The following FKBP15 variants were observed in gnomAD, a reference collection of about 807,000 sequenced individuals.
The protein encoded by FKBP15 is FK506-binding protein 15.
Under a neutral mutation model 158.1 loss-of-function variants are expected in FKBP15, and 106 were observed. The observed-to-expected ratio is 0.67, with a 90% CI of 0.57 to 0.79. FKBP15 has a LOEUF of 0.79. Among genes scored for constraint, FKBP15 ranks in the 30% least tolerant of loss-of-function variants. The pLI, the probability that FKBP15 is intolerant of heterozygous loss-of-function variation, is 0.00. For synonymous variants in FKBP15, 547 were observed against 548.6 expected (o/e 1.00, Z 0.04); for missense variants, 1,287 against 1,479.1 (o/e 0.87, Z 2.13).
At position 113,163,825 on chromosome 9, in the gene FKBP15, A is replaced by G. The variant is rs368706181; in HGVS notation, c.*2253T>C. 1.3e-5 allele frequency: 2 copies of G among 152,622 alleles called. No individual in the cohort carries two copies. Among genetic ancestry groups the G allele is most frequent in the Non-Finnish European group, 2.9e-5 (2 of 68,036 alleles). The allele number at this position is 152,622 out of a possible 1,614,324, so 9.5% of individuals were successfully genotyped here. On this transcript the variant is annotated 3_prime_UTR_variant, in exon 28 of 28. Transcript: ENST00000238256. ...AAAAAGCTGCATCTAATAATGTTCA[A>G]TACTTAATATTCTCTATTTATTACT...
intron 19 of FKBP15, among the ~76,000 whole-genome samples, chr9:113,180,176 T>A (rs1213121933): frequency 3.9e-5 from 6 of 152,066 alleles, no homozygotes; most frequent in African/African-American, 1.4e-4. Flanking sequence ...GAGTAGAAAA[T>A]CACCCAAAAG....
Position 113,184,401 on chromosome 9 carries a change from T to C in FKBP15, c.1609-2A>G. ...ACTATGTTTCTGTAACTCTTCAACC[T>C]ACAAAAGGGATACCAGAAAGACCTT... On this transcript the variant is annotated splice_acceptor_variant, in intron 16 of 27. Transcript: ENST00000238256. LOFTEE classifies it high-confidence loss of function. This position sits in a 1 kb window ranked among gnomAD's most constrained non-coding sequence, Gnocchi z 4.5. The C allele has an allele frequency of 6.3e-7, 1 of 1,583,628 alleles. No individual in the cohort carries two copies. Among genetic ancestry groups the C allele is most frequent in the Non-Finnish European group, 8.6e-7 (1 of 1,158,152 alleles).
intron 19 of FKBP15, among the ~76,000 whole-genome samples, chr9:113,179,569 G>A (rs758343813): frequency 2.6e-5 from 4 of 151,794 alleles, no homozygotes; most frequent in Non-Finnish European, 4.4e-5. Context: ...GCTGAGGCAG[G>A]AGAATCACTT....
chr9:113,209,545 C>G (rs546364167), intron 2 of FKBP15, among the ~76,000 whole-genome samples: 1 of 152,322 alleles, frequency 6.6e-6, no homozygotes, highest in African/African-American at 2.4e-5. Flanking sequence ...CAAACATTTT[C>G]TGTAAAGGGC....
intron 1 of FKBP15, among the ~76,000 whole-genome samples, chr9:113,215,327 C>T (rs929639658): frequency 6.6e-6 from 1 of 150,614 alleles, no homozygotes; most frequent in African/African-American, 2.4e-5. Flanking sequence ...TGGCCTAATG[C>T]CAATATTGCT....
chr9:113,220,284 C>A lies in FKBP15; in HGVS notation c.53+907G>T, dbSNP rs181817205. ...TTCAGCACGCACAAAATTTGTTAAG[C>A]ATATGTTCAAAGAAAAGCTCTGCAA... On this transcript the variant is annotated intron_variant, in intron 1 of 27. Coordinates refer to ENST00000238256, the MANE Select transcript of FKBP15 (RefSeq NM_015258.2). 3.3e-4 allele frequency among the ~76,000 whole-genome samples: 50 copies of A among 152,296 alleles called. No individual in the cohort carries two copies. In the East Asian group the frequency reaches 9.3e-3, roughly 28 times the overall value.
chr9:113,189,888 C>A (rs1213153406), intron 12 of FKBP15, among the ~76,000 whole-genome samples: 1 of 152,086 alleles, frequency 6.6e-6, no homozygotes, highest in Non-Finnish European at 1.5e-5. Flanking sequence ...AAATATTGAT[C>A]AATATCTTTA....
rs891210912 is a variant in FKBP15, at chr9:113,161,170, G to T, written c.*4908C>A. ...TTATCTTTCCTTCCAGACATTTTTT[G>T]CATACTTACATATAAATAGGACCTT... On this transcript the variant is annotated 3_prime_UTR_variant, in exon 28 of 28. Transcript: ENST00000238256. 17 of 223,868 alleles carry T rather than the reference G, an allele frequency of 7.6e-5. No homozygotes were observed. In the Admixed American group the frequency reaches 1.0e-3, roughly 13 times the overall value. 13.9% of individuals were successfully genotyped at this position (223,868 alleles called of 1,614,324 possible).
intron 22 of FKBP15, 57 bp from the exon 23 acceptor site, chr9:113,173,662 T>C: frequency 1.9e-6 from 3 of 1,564,544 alleles, no homozygotes; most frequent in Non-Finnish European, 2.6e-6. Flanking sequence ...TGAGATTCCA[T>C]TGCACCTAGG....
At chr9:113,207,108 G>T in intron 3 of FKBP15, 104 bp downstream of exon 3, 3 of 864,158 alleles carry the variant, frequency 3.5e-6, no homozygotes, top group Non-Finnish European at 5.7e-6. Flanking sequence ...CCGTGGAAGG[G>T]CTAAATAACC....
chr9:113,211,235 T>C (rs976386653), intron 2 of FKBP15, among the ~76,000 whole-genome samples: 5 of 152,234 alleles, frequency 3.3e-5, no homozygotes, highest in Non-Finnish European at 7.3e-5. Flanking sequence ...AGTGGCTCAC[T>C]GCAACCTCTG....
Position 113,184,208 on chromosome 9 carries a change from T to C in FKBP15, c.1716+84A>G. 2 of 869,592 alleles carry C rather than the reference T, an allele frequency of 2.3e-6. No homozygotes were observed. Among genetic ancestry groups the C allele is most frequent in the South Asian group, 3.0e-5 (2 of 65,576 alleles). 53.9% of individuals were successfully genotyped at this position (869,592 alleles called of 1,614,324 possible). A position where few individuals can be genotyped will look rare whatever the true frequency, so the allele number is the denominator to read the frequency against. ...CGTTTATCACAGGCTATTTCTGGGG[T>C]GGAGGTGTTAAAGAGTAGTACCTCT... On this transcript the variant is annotated intron_variant, in intron 17 of 27. Transcript: ENST00000238256. The surrounding 1 kb of genome is among the most constrained non-coding windows in gnomAD (Gnocchi z 4.5).
Position 113,166,084 on chromosome 9 carries a change from C to G in FKBP15, c.3654G>C (p.Leu1218=). 6.2e-7 allele frequency: 1 copy of G among 1,613,416 alleles called. No individual in the cohort carries two copies. Among genetic ancestry groups the G allele is most frequent in the Non-Finnish European group, 8.5e-7 (1 of 1,179,666 alleles). The change falls in exon 28 of 28, where the codon CTG becomes CTC. Residue 1218 remains leucine, a synonymous_variant. Coordinates refer to ENST00000238256, the MANE Select transcript of FKBP15 (RefSeq NM_015258.2). ...GCACCAGTTTCCTGGGTCTTCATCC[C>G]AGCCAGTCAATGTCATCGTCATCAT... ...DDDDDDDIDW[L]G
intron 1 of FKBP15, among the ~76,000 whole-genome samples, chr9:113,213,566 CCT>C (rs1392236941): frequency 7.4e-6 from 1 of 134,722 alleles, no homozygotes; most frequent in Non-Finnish European, 1.6e-5. Flanking sequence ...AGAGCAAGAC[CCT>C]GTCTCCCCCG....
In FKBP15 at chr9:113,174,427, C is replaced by T; in HGVS notation, c.2379+1G>A. On this transcript the variant is annotated splice_donor_variant, in intron 22 of 27. Coordinates refer to ENST00000238256, the MANE Select transcript of FKBP15 (RefSeq NM_015258.2). LOFTEE classifies it high-confidence loss of function. ...TTCAAAGTGCTTCAGTTTCCCATTA[C>T]CTGCTCTGCAGCTGCTTGGTCTGTG... 6.2e-7 allele frequency: 1 copy of T among 1,613,302 alleles called. No individual in the cohort carries two copies. The highest frequency in any genetic ancestry group is 8.5e-7 in the Non-Finnish European group (1 of 1,179,576).
chr9:113,201,713 C>T (rs768321877), intron 6 of FKBP15, among the ~76,000 whole-genome samples: 18 of 152,164 alleles, frequency 1.2e-4, no homozygotes, highest in Non-Finnish European at 2.4e-4. Context: ...CCTCGAGAAC[C>T]GTGAGAAATA....
chr9:113,216,855 G>A (rs1406424884), intron 1 of FKBP15, among the ~76,000 whole-genome samples: 1 of 151,544 alleles, frequency 6.6e-6, no homozygotes, highest in Non-Finnish European at 1.5e-5. Context: ...CTACAAAGTC[G>A]ATCCAAAAGC....
In FKBP15 at chr9:113,188,405, TG is replaced by T; in HGVS notation, c.1259del (p.Pro420HisfsTer3). On this transcript the variant is annotated frameshift_variant, in exon 13 of 28. Coordinates refer to ENST00000238256, the MANE Select transcript of FKBP15 (RefSeq NM_015258.2). LOFTEE classifies it high-confidence loss of function. ...PSLHPAHPAL[P>X]QMTSQAPQPS... ...GTTCCTTACCCTGTGAGGTCATCTG[TG>T]GTAACGCTGGATGGGCCGGATGAAG... The T allele has an allele frequency of 6.2e-7, 1 of 1,613,758 alleles. No homozygotes were observed. Among genetic ancestry groups the T allele is most frequent in the Non-Finnish European group, 8.5e-7 (1 of 1,179,736 alleles).
At chr9:113,174,391 T>G (rs967493218) in intron 22 of FKBP15, 37 bp downstream of exon 22, 3 of 1,605,762 alleles carry the variant, frequency 1.9e-6, no homozygotes, top group African/African-American at 1.3e-5. Context: ...CCTTCACACC[T>G]TCCCTCTATT....
Sources: allele counts gnomAD v4.1 joint callset (sites outside exome capture counted in the v4.1 genomes callset), GRCh38; gene constraint gnomAD v4.1.1; non-coding constraint Gnocchi (gnomAD v3.1); transcripts MANE v1.5; gene names NCBI Gene and HGNC (gene_info 2026-07-23, HGNC 2026-07-21).